The following ZNF804A variants were observed in gnomAD, a reference collection of about 807,000 sequenced individuals.
The protein encoded by ZNF804A is zinc finger protein 804A.
ZNF804A carries 2 observed loss-of-function variants against 16.5 expected under a neutral mutation model. That is an observed-to-expected ratio of 0.12 (90% CI 0.05 to 0.38). The LOEUF (loss-of-function observed/expected upper bound fraction) is 0.38, where lower values mean the gene tolerates loss of function less well. Among genes scored for constraint, ZNF804A ranks in the 10% least tolerant of loss-of-function variants. The pLI is 0.99. For missense variants in ZNF804A, 1,473 were observed against 1,390.7 expected, an observed-to-expected ratio of 1.06 and a Z score of -0.94; for synonymous variants, 534 against 489.6, an observed-to-expected ratio of 1.09 and a Z score of -1.20.
rs1022501363 is a variant in ZNF804A at position 184,664,060 on chromosome 2, T to C, written c.111+64990T>C. Reference sequence around the variant, plus strand: ...GCTTGAATATATACTTTGTCTCTTTTGTGTAGACAAAAACTATTTTGTATG... The same window carrying C: ...GCTTGAATATATACTTTGTCTCTTTCGTGTAGACAAAAACTATTTTGTATG... On this transcript the variant is annotated intron_variant, in intron 1 of 3. Coordinates refer to ENST00000302277, the MANE Select transcript of ZNF804A (RefSeq NM_194250.2). 1.6e-4 allele frequency among the ~76,000 whole-genome samples: 25 copies of C among 152,240 alleles called. 1 individual carries two copies. Among genetic ancestry groups the C allele is most frequent in the Admixed American group, 1.6e-3 (25 of 15,286 alleles).
At chr2:184,716,490 T>C (rs908516890) in intron 1 of ZNF804A, among the ~76,000 whole-genome samples, 3 of 152,146 alleles carry the variant, frequency 2.0e-5, no homozygotes, top group Non-Finnish European at 4.4e-5. Context: ...TTTTGCAATA[T>C]AGTAAGTGTT....
chr2:184,747,556 TAA>T (rs1005833549), intron 1 of ZNF804A, among the ~76,000 whole-genome samples: 3 of 151,304 alleles, frequency 2.0e-5, no homozygotes, highest in Middle Eastern at 6.8e-3. Context: ...TAAGCGGAAA[TAA>T]AAAGAGAATA....
intron 2 of ZNF804A, among the ~76,000 whole-genome samples, chr2:184,886,927 G>A (rs1347058192): frequency 1.3e-5 from 2 of 152,306 alleles, no homozygotes; most frequent in Admixed American, 1.3e-4. Context: ...ATGGTTTTTG[G>A]GATTAACATC....
intron 1 of ZNF804A, among the ~76,000 whole-genome samples, chr2:184,638,497 A>G (rs1209765536): frequency 6.6e-6 from 1 of 152,132 alleles, no homozygotes; most frequent in Admixed American, 6.5e-5. Context: ...GTTTTTATTC[A>G]TTTTTATGGG....
At chr2:184,924,011 GT>G (rs1400553138) in intron 2 of ZNF804A, among the ~76,000 whole-genome samples, 1 of 17,926 alleles carries the variant, frequency 5.6e-5, no homozygotes, top group Non-Finnish European at 2.0e-4. Flanking sequence ...GTTTTGTTTT[GT>G]GTGTGTGTGT....
chr2:184,885,234 G>A (rs923938869), intron 2 of ZNF804A, among the ~76,000 whole-genome samples: 1 of 152,158 alleles, frequency 6.6e-6, no homozygotes, highest in African/African-American at 2.4e-5. Flanking sequence ...CTTATACACT[G>A]CTCGTATGAA....
intron 1 of ZNF804A, among the ~76,000 whole-genome samples, chr2:184,865,287 T>C (rs1039901524): frequency 1.3e-5 from 2 of 151,882 alleles, no homozygotes; most frequent in African/African-American, 4.8e-5. Flanking sequence ...ATGAATAATG[T>C]TTACACACGG....
chr2:184,678,346 T>A (rs1391576610), intron 1 of ZNF804A, among the ~76,000 whole-genome samples: 1 of 152,118 alleles, frequency 6.6e-6, no homozygotes, highest in African/African-American at 2.4e-5. Flanking sequence ...GTATTGATAT[T>A]CAAAACCGAA....
chr2:184,913,384 A>C (rs1015356262), intron 2 of ZNF804A, among the ~76,000 whole-genome samples: 1 of 152,118 alleles, frequency 6.6e-6, no homozygotes, highest in Non-Finnish European at 1.5e-5. Flanking sequence ...TATGACTTCA[A>C]GTTATTCTCT....
Position 184,924,707 on chromosome 2 carries a change from G to T in ZNF804A, c.256-8896G>T, listed in dbSNP as rs137994180. Among the ~76,000 whole-genome samples the T allele has an allele frequency of 2.6e-5, 4 of 151,280 alleles. No individual in the cohort carries two copies. The South Asian group carries it at 6.3e-4, about 24-fold the overall frequency. ...TAAACTTTCCTCTTAGTAGTGCTTT[G>T]GTTGTATCCCATAGATTTTTGTATG... On this transcript the variant is annotated intron_variant, in intron 2 of 3. Coordinates refer to ENST00000302277, the MANE Select transcript of ZNF804A (RefSeq NM_194250.2).
chr2:184,879,149 G>C (rs554045599), intron 2 of ZNF804A, among the ~76,000 whole-genome samples: 1 of 133,530 alleles, frequency 7.5e-6, no homozygotes, highest in Non-Finnish European at 1.5e-5. Flanking sequence ...TTGTGTGTGT[G>C]AGAGAGAGAG....
intron 2 of ZNF804A, among the ~76,000 whole-genome samples, chr2:184,901,423 A>T (rs766790152): frequency 1.8e-4 from 28 of 152,186 alleles, no homozygotes; most frequent in Non-Finnish European, 3.2e-4. Context: ...CCACTGCAAA[A>T]GTCCTGGCAG....
chr2:184,695,416 G>T (rs1209799289), intron 1 of ZNF804A, among the ~76,000 whole-genome samples: 1 of 141,236 alleles, frequency 7.1e-6, no homozygotes, highest in Middle Eastern at 3.7e-3. Flanking sequence ...AGCCGAGATT[G>T]CGCCACTGCA....
At chr2:184,643,434 G>A (rs1397284968) in intron 1 of ZNF804A, among the ~76,000 whole-genome samples, 4 of 151,864 alleles carry the variant, frequency 2.6e-5, no homozygotes. Flanking sequence ...AATTTGCTTT[G>A]AAAAATTAAA....
rs533836865 is a variant in ZNF804A, at chr2:184,937,795, G to A, written c.2399G>A (p.Ser800Asn). Residue 800 changes from serine to asparagine, a missense_variant, in exon 4 of 4, where the codon AGT becomes AAT. Ser to Asn is a conservative substitution (Grantham distance 46). Coordinates refer to ENST00000302277, the MANE Select transcript of ZNF804A (RefSeq NM_194250.2). ...CCAGAAGAATTTTTGAGGCCACCAA[G>A]TACTTCAGTTGCTCCCTGCAAGCCT... ...HLPEEFLRPP[S>N]TSVAPCKPKK... 1 of 1,614,072 alleles carries A rather than the reference G, an allele frequency of 6.2e-7. No homozygotes were observed. The highest frequency in any genetic ancestry group is 2.2e-5 in the East Asian group (1 of 44,870).
At chr2:184,860,689 A>G (rs1405897632) in intron 1 of ZNF804A, among the ~76,000 whole-genome samples, 2 of 152,198 alleles carry the variant, frequency 1.3e-5, no homozygotes, top group Non-Finnish European at 2.9e-5. Context: ...GTAGGTGGGT[A>G]CCAGCCTGGA....
intron 1 of ZNF804A, among the ~76,000 whole-genome samples, chr2:184,612,715 A>G (rs1691257993): frequency 6.6e-6 from 1 of 152,060 alleles, no homozygotes; most frequent in Non-Finnish European, 1.5e-5. Context: ...ATTTTTATGG[A>G]TGAGGACTTA....
At chr2:184,706,207 C>A (rs911547595) in intron 1 of ZNF804A, among the ~76,000 whole-genome samples, 2 of 152,164 alleles carry the variant, frequency 1.3e-5, no homozygotes, top group Non-Finnish European at 1.5e-5. Flanking sequence ...ACACATCTGG[C>A]CACTTCTCCT....
chr2:184,714,976 A>C (rs766371559), intron 1 of ZNF804A, among the ~76,000 whole-genome samples: 1 of 152,170 alleles, frequency 6.6e-6, no homozygotes, highest in African/African-American at 2.4e-5. Context: ...GTCTTCAAAA[A>C]GGTCGGAGTT....
Sources: allele counts gnomAD v4.1 joint callset (sites outside exome capture counted in the v4.1 genomes callset), GRCh38; gene constraint gnomAD v4.1.1; transcripts MANE v1.5; gene names NCBI Gene and HGNC (gene_info 2026-07-23, HGNC 2026-07-21).